PRKG1: variants seen among roughly 807,000 people sequenced by gnomAD.
PRKG1 encodes cGMP-dependent protein kinase 1.
A neutral mutation model predicts 88.1 loss-of-function variants in PRKG1; 35 were observed. The ratio of observed to expected loss-of-function variants is 0.40; its 90% CI spans 0.30 to 0.53. PRKG1 has a LOEUF of 0.53. Ranked by LOEUF, PRKG1 falls within the 20% of genes least tolerant of loss-of-function variation. The pLI is 0.59. For missense variants in PRKG1, 540 were observed against 839.8 expected (o/e 0.64, Z 4.41); for synonymous variants, 303 against 292.5 (o/e 1.04, Z -0.37).
intron 1 of PRKG1, among the ~76,000 whole-genome samples, chr10:51,137,012 G>C (rs992021976): frequency 6.6e-6 from 1 of 151,966 alleles, no homozygotes; most frequent in African/African-American, 2.4e-5. Flanking sequence ...AGCCTACCCA[G>C]TAGCTGGGAC....
At chr10:51,392,864 C>CA (rs1358771427) in intron 2 of PRKG1, among the ~76,000 whole-genome samples, 17 of 136,856 alleles carry the variant, frequency 1.2e-4, no homozygotes, top group African/African-American at 3.4e-4. Flanking sequence ...GGGGGCTGAC[C>CA]CCCCCACCTC....
intron 2 of PRKG1, among the ~76,000 whole-genome samples, chr10:51,210,433 A>C (rs966899550): frequency 7.2e-5 from 11 of 152,218 alleles, no homozygotes; most frequent in African/African-American, 2.7e-4. Context: ...AACACATTCA[A>C]AAGCTAGCAG....
At chr10:52,193,943 C>T (rs1298712899) in intron 9 of PRKG1, among the ~76,000 whole-genome samples, 1 of 152,106 alleles carries the variant, frequency 6.6e-6, no homozygotes, top group Non-Finnish European at 1.5e-5. Flanking sequence ...CCTTTATGTG[C>T]ATTGAATAAT....
chr10:51,151,778 C>G (rs1846079278), intron 1 of PRKG1, among the ~76,000 whole-genome samples: 1 of 151,830 alleles, frequency 6.6e-6, no homozygotes. Flanking sequence ...TTATGTGTAT[C>G]TTTGCACTAC....
chr10:51,556,842 A>G (rs981973146), intron 3 of PRKG1, among the ~76,000 whole-genome samples: 1 of 152,092 alleles, frequency 6.6e-6, no homozygotes, highest in Non-Finnish European at 1.5e-5. Context: ...TACCCATGTA[A>G]CAAACCTGTA....
intron 4 of PRKG1, among the ~76,000 whole-genome samples, chr10:51,855,671 G>A (rs1840662434): frequency 6.6e-6 from 1 of 152,114 alleles, no homozygotes; most frequent in Non-Finnish European, 1.5e-5. Context: ...TTAAAAATAA[G>A]GTGACCAATT....
intron 1 of PRKG1, among the ~76,000 whole-genome samples, chr10:51,108,306 T>C (rs532671310): frequency 6.6e-6 from 1 of 151,906 alleles, no homozygotes; most frequent in East Asian, 1.9e-4. Context: ...GGAAGAAAAC[T>C]ATAGACCAAG....
At chr10:51,097,731 T>C (rs549361748) in intron 1 of PRKG1, among the ~76,000 whole-genome samples, 2 of 152,264 alleles carry the variant, frequency 1.3e-5, no homozygotes, top group African/African-American at 4.8e-5. Context: ...TTAATGCAGA[T>C]TACCCTCCTG....
chr10:51,885,821 C>T (rs1261316564), intron 4 of PRKG1, among the ~76,000 whole-genome samples: 4 of 152,110 alleles, frequency 2.6e-5, no homozygotes, highest in Admixed American at 1.3e-4. Flanking sequence ...GCCTTTCCCC[C>T]GCTACTCCCA....
chr10:52,250,143 T>A (rs1368348299), intron 9 of PRKG1, among the ~76,000 whole-genome samples: 1 of 152,182 alleles, frequency 6.6e-6, no homozygotes, highest in Non-Finnish European at 1.5e-5. Flanking sequence ...TGTTCCATTC[T>A]AGTAAACCAT....
chr10:51,392,961 ACCCCC>A (rs1424812354), intron 2 of PRKG1, among the ~76,000 whole-genome samples: 1 of 114,424 alleles, frequency 8.7e-6, no homozygotes, highest in Non-Finnish European at 1.8e-5. Context: ...CTGAGGGCTG[ACCCCC>A]CACCTCCCTC....
intron 10 of PRKG1, among the ~76,000 whole-genome samples, chr10:52,255,298 T>C (rs1841281020): frequency 6.6e-6 from 1 of 152,092 alleles, no homozygotes; most frequent in Non-Finnish European, 1.5e-5. Context: ...CATTGCCTTA[T>C]AGTCATATTC....
chr10:52,282,117 A>G (rs1842015291), intron 13 of PRKG1, 36 bp from the exon 14 acceptor site: 4 of 1,513,878 alleles, frequency 2.6e-6, no homozygotes, highest in Middle Eastern at 3.6e-4. Context: ...CTTAATCATA[A>G]GGAGCTTAAG....
At chr10:52,285,538 G>C (rs1842099310) in intron 14 of PRKG1, among the ~76,000 whole-genome samples, 1 of 152,068 alleles carries the variant, frequency 6.6e-6, no homozygotes, top group Non-Finnish European at 1.5e-5. Flanking sequence ...AAGTGCTTTT[G>C]TGAGTTCAAT....
chr10:51,648,172 G>C (rs1313317813), intron 3 of PRKG1, among the ~76,000 whole-genome samples: 4 of 151,890 alleles, frequency 2.6e-5, no homozygotes, highest in Non-Finnish European at 4.4e-5. Context: ...CCCTGAACAA[G>C]GCCTAATTTC....
At chr10:52,246,490 C>T (rs1273352879) in intron 9 of PRKG1, among the ~76,000 whole-genome samples, 1 of 151,996 alleles carries the variant, frequency 6.6e-6, no homozygotes, top group Non-Finnish European at 1.5e-5. Flanking sequence ...TTTTTAGAGC[C>T]TCCTTTGGTG....
At chr10:51,846,664 G>C (rs1478942841) in intron 4 of PRKG1, among the ~76,000 whole-genome samples, 1 of 152,270 alleles carries the variant, frequency 6.6e-6, no homozygotes, top group African/African-American at 2.4e-5. Context: ...ACCTATGAAT[G>C]TTAGAAAATG....
intron 1 of PRKG1, among the ~76,000 whole-genome samples, chr10:51,144,316 G>T (rs1305016228): frequency 6.6e-6 from 1 of 152,008 alleles, no homozygotes; most frequent in African/African-American, 2.4e-5. Flanking sequence ...AAGTCAAACA[G>T]ATTTATCTTT....
intron 5 of PRKG1, among the ~76,000 whole-genome samples, chr10:52,042,644 C>T (rs1193672666): frequency 6.6e-6 from 1 of 152,082 alleles, no homozygotes; most frequent in East Asian, 1.9e-4. Flanking sequence ...AAGGGAAATG[C>T]TTCATTACAT....
Sources: gnomAD v4.1 joint callset for allele counts (sites outside exome capture counted in the v4.1 genomes callset) on GRCh38, gnomAD v4.1.1 for gene constraint, MANE v1.5 for transcripts, NCBI Gene and HGNC (gene_info 2026-07-23, HGNC 2026-07-21) for gene names.